ASAH1: variants seen among roughly 807,000 people sequenced by gnomAD.
ASAH1 encodes acid ceramidase.
In ASAH1, 70 loss-of-function variants were observed where a neutral mutation model predicts 59.5. The ratio of observed to expected loss-of-function variants is 1.18; its 90% CI spans 0.97 to 1.43. ASAH1 has a LOEUF of 1.43. Among genes scored for constraint, ASAH1 ranks in the 40% most tolerant of loss-of-function variants. The pLI is 0.00. For missense variants in ASAH1, 660 were observed against 482.5 expected (o/e 1.37, Z -3.45); for synonymous variants, 213 against 166.5 (o/e 1.28, Z -2.15).
In ASAH1 at chr8:18,084,002, G is replaced by C. The variant is rs777754989; in HGVS notation, c.57C>G (p.Ala19=). 8.1e-6 allele frequency: 13 copies of C among 1,598,098 alleles called. No homozygotes were observed. Among genetic ancestry groups the C allele is most frequent in the East Asian group, 2.2e-5 (1 of 44,854 alleles). ...LVLLAAAVSC[A]VAQHAPPWTE... ...TCACCGGCGGCGCGTGCTGCGCGACGGCACAGCTGACGGCGGCAGCCAGGA... is the reference window on the plus strand; with the variant it reads ...TCACCGGCGGCGCGTGCTGCGCGACCGCACAGCTGACGGCGGCAGCCAGGA... Residue 19 remains alanine, a synonymous_variant, in exon 1 of 14, where the codon GCC becomes GCG. Coordinates refer to ENST00000637790, the MANE Select transcript of ASAH1 (RefSeq NM_177924.5).
chr8:18,060,879 G>A (rs1724488708), intron 10 of ASAH1: 1 of 169,752 alleles, frequency 5.9e-6, no homozygotes, highest in African/African-American at 2.4e-5. Context: ...CTCCTGAGTA[G>A]CTGGGACTAC....
chr8:18,079,196 C>G (rs1027735175), intron 1 of ASAH1, among the ~76,000 whole-genome samples: 3 of 150,932 alleles, frequency 2.0e-5, no homozygotes, highest in African/African-American at 7.3e-5. Flanking sequence ...TTGCCTGAAG[C>G]CGGGAGGTGG....
In ASAH1 at chr8:18,069,888, A is replaced by C. The variant is rs564032950; in HGVS notation, c.217-10T>G. 5.0e-5 allele frequency: 77 copies of C among 1,543,440 alleles called. 1 individual carries two copies. In the South Asian group the frequency reaches 8.3e-4, roughly 17 times the overall value. On this transcript the variant is annotated splice_polypyrimidine_tract_variant and intron_variant, in intron 3 of 13. Coordinates refer to ENST00000637790, the MANE Select transcript of ASAH1 (RefSeq NM_177924.5). ...TCACTATAACCTTTAGCTGAAAAAT[A>C]AATAAAATGCTTACTAAAAGACATA...
At chr8:18,067,094 G>GACCTTTGC in intron 5 of ASAH1, 126 bp downstream of exon 5, 6 of 119,510 alleles carry the variant, frequency 5.0e-5, no homozygotes, top group Non-Finnish European at 1.7e-4. Flanking sequence ...GTATATCTAA[G>GACCTTTGC]ACCTGTGCAC....
rs1473408336 is a variant in ASAH1, at chr8:18,057,625, T to C, written c.1099-2A>G. 5 of 1,595,790 alleles carry C rather than the reference T, an allele frequency of 3.1e-6. No individual in the cohort carries two copies. Among genetic ancestry groups the C allele is most frequent in the East Asian group, 2.3e-5 (1 of 43,708 alleles). On this transcript the variant is annotated splice_acceptor_variant, in intron 13 of 13. Coordinates refer to ENST00000637790, the MANE Select transcript of ASAH1 (RefSeq NM_177924.5). LOFTEE classifies it high-confidence loss of function. ...TATCAAGGTTGTGTATACGGTCAGC[T>C]GAAAGAAAAGTTATTTTTACTTTAA...
chr8:18,075,714 G>T, intron 1 of ASAH1, 127 bp from the exon 2 acceptor site: 1 of 808,848 alleles, frequency 1.2e-6, no homozygotes. Flanking sequence ...ACGTTTCAAT[G>T]CCTCTTAAAA....
chr8:18,070,927 G>T (rs1564546499), intron 3 of ASAH1, among the ~76,000 whole-genome samples: 5 of 152,158 alleles, frequency 3.3e-5, no homozygotes, highest in Admixed American at 6.5e-5. Flanking sequence ...AAGAAATATG[G>T]CCGGGCATGG....
Position 18,059,388 on chromosome 8 carries a change from C to A in ASAH1, c.994G>T (p.Asp332Tyr). The A allele has an allele frequency of 1.9e-6, 3 of 1,614,186 alleles. No individual in the cohort carries two copies. The highest frequency in any genetic ancestry group is 2.5e-6 in the Non-Finnish European group (3 of 1,180,018). The part of the protein sequence containing the change: ...DRWKHPFFLD[D>Y]RRTPAKMCLN... Reference sequence around the variant, plus strand: ...CACATCTTTGCAGGCGTTCTGCGATCATCAAGGAAGAAGGGATGTTTCCAA... The same window carrying A: ...CACATCTTTGCAGGCGTTCTGCGATAATCAAGGAAGAAGGGATGTTTCCAA... Residue 332 changes from aspartate to tyrosine, a missense_variant, in exon 12 of 14, where the codon GAT (aspartate) becomes TAT (tyrosine). Asp to Tyr is a radical substitution (Grantham distance 160). Coordinates refer to ENST00000637790, the MANE Select transcript of ASAH1 (RefSeq NM_177924.5).
chr8:18,067,703 C>T (rs1434497291), intron 4 of ASAH1: 2 of 155,526 alleles, frequency 1.3e-5, no homozygotes, highest in Admixed American at 6.5e-5. Context: ...TGGCATATAC[C>T]GTTCTTACCA....
intron 5 of ASAH1, 104 bp downstream of exon 5, chr8:18,067,106 TGTGCTGTATA>T: frequency 4.3e-6 from 2 of 465,468 alleles, no homozygotes; most frequent in Non-Finnish European, 6.0e-6. Flanking sequence ...CCTGTGCACC[TGTGCTGTATA>T]TCTAAGACAT....
intron 1 of ASAH1, among the ~76,000 whole-genome samples, chr8:18,080,460 G>A: frequency 6.6e-6 from 1 of 152,036 alleles, no homozygotes; most frequent in Non-Finnish European, 1.5e-5. Flanking sequence ...ACCTCCAGTT[G>A]CCCAACATCA....
chr8:18,070,327 T>C (rs1800110266), intron 3 of ASAH1, among the ~76,000 whole-genome samples: 1 of 152,230 alleles, frequency 6.6e-6, no homozygotes, highest in Admixed American at 6.5e-5. Flanking sequence ...TTTTTGTATT[T>C]TTAGTAGAGA....
intron 13 of ASAH1, 85 bp from the exon 14 acceptor site, chr8:18,057,708 T>G (rs1462201562): frequency 1.2e-5 from 11 of 902,242 alleles, no homozygotes. Flanking sequence ...ACTTGTAGAA[T>G]TTGCTTTAGA....
At chr8:18,084,403 T>A, upstream of ASAH1, 2 of 1,394,588 alleles carry the variant, frequency 1.4e-6, no homozygotes, top group South Asian at 1.5e-5. Flanking sequence ...GCCGGGAGCT[T>A]CACCCGTGGC....
intron 2 of ASAH1, among the ~76,000 whole-genome samples, chr8:18,074,444 A>G (rs1299840200): frequency 1.3e-5 from 2 of 152,238 alleles, no homozygotes; most frequent in Non-Finnish European, 2.9e-5. Context: ...TTTAAAATAC[A>G]TCGTTTAGAC....
chr8:18,075,215 G>T (rs112284453), intron 2 of ASAH1, among the ~76,000 whole-genome samples: 15,290 of 151,720 alleles, frequency 0.1, 839 homozygotes, highest in Admixed American at 0.12. Context: ...GCATGGTCTC[G>T]ATCTCCTGAC....
At chr8:18,058,131 G>A (rs749737051) in intron 13 of ASAH1, 4 of 153,422 alleles carry the variant, frequency 2.6e-5, no homozygotes, top group Non-Finnish European at 4.3e-5. Context: ...CACAAGTCAC[G>A]AGATTGTGAC....
chr8:18,067,369 A>C, intron 4 of ASAH1, 71 bp from the exon 5 acceptor site: 1 of 939,828 alleles, frequency 1.1e-6, no homozygotes, highest in Non-Finnish European at 1.4e-6. Context: ...TAATATAAAC[A>C]AATATAATAA....
chr8:18,062,038 A>C (rs575836756), intron 8 of ASAH1: 1 of 626,310 alleles, frequency 1.6e-6, no homozygotes, highest in South Asian at 2.0e-5. Context: ...TCAGATTGTG[A>C]CTCCCAGCCC....
Sources: gnomAD v4.1 joint callset for allele counts (sites outside exome capture counted in the v4.1 genomes callset) on GRCh38, gnomAD v4.1.1 for gene constraint, MANE v1.5 for transcripts, NCBI Gene and HGNC (gene_info 2026-07-23, HGNC 2026-07-21) for gene names.